Variants in ATL2 observed in about 807,000 individuals in gnomAD.
The protein encoded by ATL2 is atlastin GTPase 2, also known as atlastin-2.
A neutral mutation model predicts 73.9 loss-of-function variants in ATL2; 31 were observed. The observed-to-expected ratio is 0.42, with a 90% CI of 0.32 to 0.57. ATL2 has a LOEUF of 0.57. Ranked by LOEUF, ATL2 falls within the 20% of genes least tolerant of loss-of-function variation. The pLI is 0.14. For synonymous variants in ATL2, 291 were observed against 237.5 expected (o/e 1.23, Z -2.07); for missense variants, 738 against 702.6 (o/e 1.05, Z -0.57).
intron 9 of ATL2, among the ~76,000 whole-genome samples, chr2:38,308,099 G>C (rs1667549524): frequency 6.6e-6 from 1 of 152,114 alleles, no homozygotes; most frequent in Admixed American, 6.5e-5. Flanking sequence ...CAATGCTGCT[G>C]CTAGGTATAT....
chr2:38,344,979 G>A (rs916311297), intron 1 of ATL2, among the ~76,000 whole-genome samples: 5 of 152,292 alleles, frequency 3.3e-5, no homozygotes, highest in Admixed American at 6.5e-5. Flanking sequence ...AAGAAGTACA[G>A]AGAATGTAAA....
At chr2:38,368,441 G>A (rs181280329) in intron 1 of ATL2, among the ~76,000 whole-genome samples, 8 of 151,856 alleles carry the variant, frequency 5.3e-5, no homozygotes, top group Non-Finnish European at 1.0e-4. Flanking sequence ...TAGTAGAGGC[G>A]GGGTTTCTCC....
intron 1 of ATL2, among the ~76,000 whole-genome samples, chr2:38,370,874 G>A (rs1306149271): frequency 1.3e-5 from 2 of 151,520 alleles, no homozygotes; most frequent in African/African-American, 2.4e-5. Context: ...GGGGTGGGGG[G>A]TGCACCCCAG....
At chr2:38,312,770 T>C (rs1364160858) in intron 7 of ATL2, among the ~76,000 whole-genome samples, 1 of 152,066 alleles carries the variant, frequency 6.6e-6, no homozygotes, top group African/African-American at 2.4e-5. Context: ...GATTGTAAGT[T>C]TCCTGAGGCC....
chr2:38,356,361 A>T (rs959386179), intron 1 of ATL2, among the ~76,000 whole-genome samples: 24 of 151,262 alleles, frequency 1.6e-4, no homozygotes, highest in East Asian at 4.0e-4. Context: ...ATTTTTTTTT[A>T]AATTTTTTGT....
At chr2:38,305,379 C>G (rs1390111360) in intron 9 of ATL2, among the ~76,000 whole-genome samples, 1 of 152,072 alleles carries the variant, frequency 6.6e-6, no homozygotes, top group Non-Finnish European at 1.5e-5. Context: ...GAAACCCCAT[C>G]TCTACTAAAA....
chr2:38,315,803 C>T (rs1002675366), intron 4 of ATL2, among the ~76,000 whole-genome samples: 2 of 152,184 alleles, frequency 1.3e-5, no homozygotes, highest in Non-Finnish European at 2.9e-5. Flanking sequence ...TCCACTACTA[C>T]TGACTCTAGT....
intron 1 of ATL2, among the ~76,000 whole-genome samples, chr2:38,358,865 T>A (rs1670840862): frequency 6.6e-6 from 1 of 152,126 alleles, no homozygotes; most frequent in Non-Finnish European, 1.5e-5. Context: ...GATACAAGTA[T>A]TACAAGTACT....
At chr2:38,344,525 G>A (rs1317019435) in intron 1 of ATL2, among the ~76,000 whole-genome samples, 4 of 152,052 alleles carry the variant, frequency 2.6e-5, no homozygotes, top group South Asian at 2.1e-4. Context: ...CAGGAGAATC[G>A]CTTGAACCTG....
intron 9 of ATL2, among the ~76,000 whole-genome samples, chr2:38,300,766 TCA>T (rs1667143527): frequency 6.6e-6 from 1 of 151,952 alleles, no homozygotes; most frequent in Non-Finnish European, 1.5e-5. Context: ...TCCTCCTGCC[TCA>T]GTTTTCCAAG....
chr2:38,332,403 C>A (rs1169588020), intron 2 of ATL2, among the ~76,000 whole-genome samples: 1 of 151,994 alleles, frequency 6.6e-6, no homozygotes, highest in East Asian at 1.9e-4. Flanking sequence ...ATGGAGTCTC[C>A]CTATGTTGCC....
upstream of ATL2, chr2:38,377,365 TCCGCCTGTATCTCCTCGCC>T: frequency 1.2e-6 from 1 of 848,952 alleles, no homozygotes; most frequent in Non-Finnish European, 1.7e-6. Context: ...AGCGCCGCTC[TCCGCCTGTATCTCCTCGCC>T]CTCCGCCTGT....
At chr2:38,372,400 G>A (rs1262209849) in intron 1 of ATL2, among the ~76,000 whole-genome samples, 1 of 152,038 alleles carries the variant, frequency 6.6e-6, no homozygotes. Context: ...AAGTGTACGG[G>A]AGGATGCACA....
chr2:38,361,874 GTTTT>G (rs1344619354), intron 1 of ATL2, among the ~76,000 whole-genome samples: 1 of 152,084 alleles, frequency 6.6e-6, no homozygotes, highest in African/African-American at 2.4e-5. Flanking sequence ...CTTCGAAGAT[GTTTT>G]TTTAAAAATT....
At chr2:38,315,725 G>A (rs1176634431) in intron 4 of ATL2, among the ~76,000 whole-genome samples, 1 of 151,988 alleles carries the variant, frequency 6.6e-6, no homozygotes, top group Non-Finnish European at 1.5e-5. Flanking sequence ...GTGAATATAA[G>A]GGGCAACAGT....
At position 38,313,203 on chromosome 2, in the gene ATL2, T is replaced by G; in HGVS notation, c.752A>C (p.Glu251Ala). The G allele has an allele frequency of 6.2e-7, 1 of 1,613,590 alleles. No homozygotes were observed. Among genetic ancestry groups the G allele is most frequent in the Middle Eastern group, 1.7e-4 (1 of 6,060 alleles). The change falls in exon 7 of 13, where the codon GAA becomes GCA. Residue 251 changes from glutamate to alanine, a missense_variant. Physicochemically the swap from Glu to Ala is moderately radical, Grantham distance 107. Coordinates refer to ENST00000378954, the MANE Select transcript of ATL2 (RefSeq NM_001135673.4). Reference sequence around the variant, plus strand: ...TCCACCTTCCAAACCATATGAATGTTCATAAGGATAGCTCCAATCTCGAAT... The same window carrying G: ...TCCACCTTCCAAACCATATGAATGTGCATAAGGATAGCTCCAATCTCGAAT... ...FLIRDWSYPYEHSYGLEGGKQ... is the reference protein window; with the variant it reads ...FLIRDWSYPYAHSYGLEGGKQ...
intron 2 of ATL2, among the ~76,000 whole-genome samples, chr2:38,341,856 T>G (rs778905108): frequency 6.6e-6 from 1 of 152,236 alleles, no homozygotes; most frequent in East Asian, 1.9e-4. Flanking sequence ...TCGAAGAGAA[T>G]GCACACCCAA....
At chr2:38,330,216 T>TA (rs57775676) in intron 2 of ATL2, among the ~76,000 whole-genome samples, 12,334 of 122,402 alleles carry the variant, frequency 0.1, 871 homozygotes, top group African/African-American at 0.21. Context: ...ATTCAGGATT[T>TA]AAAAAAAAAA....
chr2:38,327,560 C>T lies in ATL2; in HGVS notation c.364-8541G>A, dbSNP rs556892229. ...AAGTACAAAAAAAAAAAAAAAACAC[C>T]AGAAAACAATTATAAGCATGGCAGC... On this transcript the variant is annotated intron_variant, in intron 2 of 12. Coordinates refer to ENST00000378954, the MANE Select transcript of ATL2 (RefSeq NM_001135673.4). Among the ~76,000 whole-genome samples, 7 of 139,560 alleles carry T rather than the reference C, an allele frequency of 5.0e-5. No individual in the cohort carries two copies. The East Asian group carries it at 6.1e-4, about 12-fold the overall frequency. 91.6% of individuals were successfully genotyped at this position (139,560 alleles called of 152,430 possible). A position where few individuals can be genotyped will look rare whatever the true frequency, so the allele number is the denominator to read the frequency against.
Sources: gnomAD v4.1 joint callset for allele counts (sites outside exome capture counted in the v4.1 genomes callset) on GRCh38, gnomAD v4.1.1 for gene constraint, MANE v1.5 for transcripts, NCBI Gene and HGNC (gene_info 2026-07-23, HGNC 2026-07-21) for gene names.